Variants in SPATS2 observed in about 807,000 individuals in gnomAD.
SPATS2 encodes spermatogenesis-associated serine-rich protein 2.
In SPATS2, 38 loss-of-function variants were observed where a neutral mutation model predicts 63.7. The ratio of observed to expected loss-of-function variants is 0.60; its 90% CI spans 0.46 to 0.78. SPATS2 has a LOEUF of 0.78. SPATS2 is among the 30% of genes least tolerant of loss of function. The pLI is 0.00. For missense variants in SPATS2, 588 were observed against 666.2 expected, an observed-to-expected ratio of 0.88 and a Z score of 1.29; for synonymous variants, 207 against 232.9, an observed-to-expected ratio of 0.89 and a Z score of 1.01.
intron 9 of SPATS2, among the ~76,000 whole-genome samples, chr12:49,508,329 TC>T (rs1378481846): frequency 1.3e-5 from 2 of 152,166 alleles, no homozygotes; most frequent in African/African-American, 4.8e-5. Context: ...TGCCTCACCC[TC>T]CCGAGTAGCT....
intron 13 of SPATS2, among the ~76,000 whole-genome samples, chr12:49,525,492 T>C (rs1225874403): frequency 6.6e-6 from 1 of 152,226 alleles, no homozygotes; most frequent in African/African-American, 2.4e-5. Flanking sequence ...AAAGATGTGC[T>C]GAATGCCACA....
chr12:49,391,436 C>T (rs1377108069), intron 2 of SPATS2, among the ~76,000 whole-genome samples: 5 of 152,050 alleles, frequency 3.3e-5, no homozygotes, highest in African/African-American at 7.2e-5. Flanking sequence ...CGCTTGAACC[C>T]GGGAGGCGGA....
intron 2 of SPATS2, among the ~76,000 whole-genome samples, chr12:49,374,577 C>G (rs922466582): frequency 1.3e-5 from 2 of 152,130 alleles, no homozygotes; most frequent in African/African-American, 4.8e-5. Context: ...TAGTTGCAGG[C>G]CCTTGAAACA....
intron 9 of SPATS2, 50 bp from the exon 10 acceptor site, chr12:49,514,505 G>A (rs199568481): frequency 1.9e-6 from 3 of 1,556,228 alleles, no homozygotes; most frequent in East Asian, 4.5e-5. Flanking sequence ...TGCTAATTTT[G>A]TATTTGAGTT....
At chr12:49,487,548 A>G (rs537652053) in intron 4 of SPATS2, among the ~76,000 whole-genome samples, 5 of 152,264 alleles carry the variant, frequency 3.3e-5, no homozygotes, top group Admixed American at 2.0e-4. Context: ...TGAAGGTGCA[A>G]TATTTTTAAA....
intron 2 of SPATS2, among the ~76,000 whole-genome samples, chr12:49,460,469 G>A (rs968508601): frequency 1.3e-5 from 2 of 151,948 alleles, no homozygotes; most frequent in Non-Finnish European, 2.9e-5. Context: ...AAAAAAGAAA[G>A]ATCTTAGGGA....
intron 2 of SPATS2, among the ~76,000 whole-genome samples, chr12:49,436,932 G>A (rs1419798116): frequency 2.2e-5 from 3 of 137,512 alleles, no homozygotes; most frequent in East Asian, 2.2e-4. Context: ...CCTCCCTCCC[G>A]GATGGGGCGG....
At chr12:49,396,877 G>C (rs1485711775) in intron 2 of SPATS2, among the ~76,000 whole-genome samples, 1 of 152,148 alleles carries the variant, frequency 6.6e-6, no homozygotes, top group Non-Finnish European at 1.5e-5. Flanking sequence ...TTTGTCTTCA[G>C]CTCTGGACTT....
At chr12:49,466,254 C>G (rs1278961989) in intron 3 of SPATS2, among the ~76,000 whole-genome samples, 1 of 152,034 alleles carries the variant, frequency 6.6e-6, no homozygotes, top group Non-Finnish European at 1.5e-5. Flanking sequence ...ACCTCCGCCT[C>G]CCAGGTTCAA....
chr12:49,410,785 AT>A lies in SPATS2; in HGVS notation c.-244+39509del, dbSNP rs765200118. ...CTCTTTGATGTAGAGCTTAAAAGGA[AT>A]TTTTTTTTTTTTTGGAAACCAGCAT... On this transcript the variant is annotated intron_variant, in intron 2 of 13. Transcript: ENST00000552918. 2.3e-3 allele frequency among the ~76,000 whole-genome samples: 332 copies of A among 144,914 alleles called. 1 individual carries two copies. The highest frequency in any genetic ancestry group is 2.4e-3 in the African/African-American group (97 of 39,810).
intron 2 of SPATS2, among the ~76,000 whole-genome samples, chr12:49,422,939 C>T (rs1424636650): frequency 1.3e-5 from 2 of 151,870 alleles, no homozygotes; most frequent in Non-Finnish European, 2.9e-5. Context: ...TTTTAATTGA[C>T]TGTGACTATG....
chr12:49,373,973 T>G (rs7974420), intron 2 of SPATS2, among the ~76,000 whole-genome samples: 3 of 151,562 alleles, frequency 2.0e-5, no homozygotes, highest in Admixed American at 6.6e-5. Flanking sequence ...AGTCATAGCT[T>G]TTCTGGGGAG....
intron 6 of SPATS2, among the ~76,000 whole-genome samples, chr12:49,492,890 G>A (rs549860063): frequency 1.4e-4 from 21 of 152,092 alleles, no homozygotes; most frequent in Admixed American, 3.9e-4. Flanking sequence ...GAGGTCAGGG[G>A]ATTGAGACCA....
At chr12:49,516,130 C>T (rs1268750368) in intron 10 of SPATS2, among the ~76,000 whole-genome samples, 1 of 68,022 alleles carries the variant, frequency 1.5e-5, no homozygotes, top group Non-Finnish European at 2.6e-5. Context: ...CAGAGCAAGA[C>T]TCCATCTCAA....
chr12:49,443,921 A>G (rs1207265896), intron 2 of SPATS2, among the ~76,000 whole-genome samples: 1 of 152,226 alleles, frequency 6.6e-6, no homozygotes, highest in East Asian at 1.9e-4. Flanking sequence ...AGGTAGTGGA[A>G]GTCCTCCAAA....
chr12:49,461,262 TGAA>T lies in SPATS2; in HGVS notation c.25+228_25+230del, dbSNP rs111228944. On this transcript the variant is annotated intron_variant, in intron 3 of 13. Coordinates refer to ENST00000552918, the MANE Select transcript of SPATS2 (RefSeq NM_023071.4). ...CAAATTGTAATATGCTTAACAATCT[TGAA>T]GATGCATTTTTGAATACTGAACATA... is the stretch of plus-strand genomic sequence containing the variant. 3.1e-4 allele frequency: 165 copies of T among 527,466 alleles called. 1 individual carries two copies. The highest frequency in any genetic ancestry group is 2.7e-3 in the African/African-American group (139 of 51,244). The allele number at this position is 527,466 out of a possible 1,614,324, so 32.7% of individuals were successfully genotyped here.
At chr12:49,472,840 G>A (rs771193622) in intron 3 of SPATS2, among the ~76,000 whole-genome samples, 83 of 149,580 alleles carry the variant, frequency 5.5e-4, no homozygotes, top group Non-Finnish European at 8.9e-4. Context: ...TGGAGTTCGA[G>A]ACCAGCCTGG....
intron 5 of SPATS2, chr12:49,490,201 G>A (rs12318633): frequency 0.19 from 28,547 of 153,278 alleles, 3,647 homozygotes; most frequent in African/African-American, 0.37. Context: ...GCCAACATAG[G>A]ATGCACAAGT....
intron 9 of SPATS2, among the ~76,000 whole-genome samples, chr12:49,514,052 G>T (rs1203184254): frequency 6.6e-6 from 1 of 152,022 alleles, no homozygotes; most frequent in Non-Finnish European, 1.5e-5. Context: ...AGCTACTCGG[G>T]AGGCTGAGGC....
Sources: allele counts gnomAD v4.1 joint callset (sites outside exome capture counted in the v4.1 genomes callset), GRCh38; gene constraint gnomAD v4.1.1; transcripts MANE v1.5; gene names NCBI Gene and HGNC (gene_info 2026-07-23, HGNC 2026-07-21).